PPIP5K1: variants seen among roughly 807,000 people sequenced by gnomAD.
PPIP5K1 encodes inositol hexakisphosphate and diphosphoinositol-pentakisphosphate kinase 1.
In PPIP5K1, 6 loss-of-function variants were observed where a neutral mutation model predicts 27.7. That is an observed-to-expected ratio of 0.22 (90% CI 0.12 to 0.43). The LOEUF is 0.43. PPIP5K1 is among the 20% of genes least tolerant of loss of function. The probability of loss-of-function intolerance (pLI) is 1.00; values close to 1 mark genes in which losing one functional copy is unlikely to be tolerated. For synonymous variants in PPIP5K1, 145 were observed against 242.6 expected (o/e 0.60, Z 3.74); for missense variants, 394 against 635.4 (o/e 0.62, Z 4.08).
intron 31 of PPIP5K1, among the ~76,000 whole-genome samples, chr15:43,539,072 G>A (rs1167508492): frequency 6.6e-6 from 1 of 151,982 alleles, no homozygotes; most frequent in Non-Finnish European, 1.5e-5. Context: ...TTAGCTGGGC[G>A]TGGTGGTGCA....
intron 31 of PPIP5K1, among the ~76,000 whole-genome samples, chr15:43,539,147 G>A (rs2080324727): frequency 6.6e-6 from 1 of 151,284 alleles, no homozygotes; most frequent in Non-Finnish European, 1.5e-5. Context: ...GGAGGCAGAC[G>A]TTGCAGTGAG....
Position 43,534,330 on chromosome 15 carries a change from A to G in PPIP5K1, c.*344T>C. 5.1e-6 allele frequency: 1 copy of G among 195,622 alleles called. No homozygotes were observed. Among genetic ancestry groups the G allele is most frequent in the Non-Finnish European group, 1.0e-5 (1 of 96,542 alleles). 12.1% of individuals were successfully genotyped at this position (195,622 alleles called of 1,614,324 possible). The stretch of plus-strand genomic sequence containing the variant: ...CCCAAGGAAATCCTATTCAAGTCTA[A>G]TGGCTAAGTGAGGAGCCAATGGCTT... On this transcript the variant is annotated 3_prime_UTR_variant, in exon 32 of 32. Transcript: ENST00000420765.
intron 30 of PPIP5K1, among the ~76,000 whole-genome samples, chr15:43,551,605 A>ATTTTTTTTTT (rs1567046997): frequency 9.6e-6 from 1 of 103,656 alleles, no homozygotes; most frequent in Non-Finnish European, 1.7e-5. Context: ...TTCTTGATTC[A>ATTTTTTTTTT]GTTTTTTTTT....
chr15:43,535,595 G>T, intron 31 of PPIP5K1, 119 bp from the exon 32 acceptor site: 1 of 821,676 alleles, frequency 1.2e-6, no homozygotes, highest in Non-Finnish European at 1.9e-6. Flanking sequence ...AGGGAAGAGT[G>T]TCCAAATTCT....
chr15:43,553,509 A>C (rs2082507017), intron 30 of PPIP5K1, among the ~76,000 whole-genome samples: 1 of 151,748 alleles, frequency 6.6e-6, no homozygotes, highest in Non-Finnish European at 1.5e-5. Flanking sequence ...TGCCCAATTA[A>C]ATTTTTAATT....
At chr15:43,540,719 G>A (rs954497689) in intron 30 of PPIP5K1, among the ~76,000 whole-genome samples, 12 of 151,710 alleles carry the variant, frequency 7.9e-5, no homozygotes, top group African/African-American at 2.9e-4. Flanking sequence ...AATTAGCTGG[G>A]TGTGGTGGTA....
intron 30 of PPIP5K1, among the ~76,000 whole-genome samples, chr15:43,547,014 A>C (rs2081452177): frequency 6.6e-6 from 1 of 152,188 alleles, no homozygotes; most frequent in African/African-American, 2.4e-5. Flanking sequence ...ACTATTTTAT[A>C]CTTCCATTAG....
Position 43,534,576 on chromosome 15 carries a change from G to A in PPIP5K1, c.*98C>T. ...GGGTGAGTGCTGGTCATGGGCTAGAGACTGGCTCTGAGGGTTTGGATCACC... is the reference window on the plus strand; with the variant it reads ...GGGTGAGTGCTGGTCATGGGCTAGAAACTGGCTCTGAGGGTTTGGATCACC... On this transcript the variant is annotated 3_prime_UTR_variant, in exon 32 of 32. Transcript: ENST00000420765. 6.4e-6 allele frequency: 7 copies of A among 1,098,700 alleles called. No individual in the cohort carries two copies. Among genetic ancestry groups the A allele is most frequent in the Non-Finnish European group, 9.1e-6 (7 of 772,352 alleles). The allele number at this position is 1,098,700 out of a possible 1,614,324, so 68.1% of individuals were successfully genotyped here.
At chr15:43,547,274 G>A (rs749628275) in intron 30 of PPIP5K1, among the ~76,000 whole-genome samples, 17 of 151,996 alleles carry the variant, frequency 1.1e-4, no homozygotes, top group Non-Finnish European at 2.2e-4. Flanking sequence ...TCATCTGTAC[G>A]TATTAGATAT....
intron 30 of PPIP5K1, among the ~76,000 whole-genome samples, chr15:43,542,939 T>G (rs1009141827): frequency 6.6e-6 from 1 of 152,086 alleles, no homozygotes; most frequent in East Asian, 1.9e-4. Flanking sequence ...TTCAGCCTCC[T>G]GAGTAGCTAC....
intron 30 of PPIP5K1, 69 bp from the exon 31 acceptor site, chr15:43,539,652 AC>A: frequency 1.0e-6 from 1 of 982,188 alleles, no homozygotes. Context: ...CAGGAGCCAC[AC>A]GTTCTCAACA....
chr15:43,553,871 T>C (rs1353049728), intron 30 of PPIP5K1, among the ~76,000 whole-genome samples: 3 of 151,866 alleles, frequency 2.0e-5, no homozygotes, highest in African/African-American at 7.3e-5. Context: ...GGTCTCAATC[T>C]CCTGACCTTG....
chr15:43,540,300 C>T lies in PPIP5K1; in HGVS notation c.3557-717G>A, dbSNP rs1401637010. On this transcript the variant is annotated intron_variant, in intron 30 of 31. Transcript: ENST00000420765. ...ATTTTTCCAGCTGGGTGTGGTGGCT[C>T]ATGCCTGTAAACCAGCACTTTGGGA... 2.6e-5 allele frequency among the ~76,000 whole-genome samples: 4 copies of T among 151,722 alleles called. 1 individual carries two copies.
chr15:43,551,983 T>C lies in PPIP5K1; in HGVS notation c.3556+6812A>G, dbSNP rs972575929. Among the ~76,000 whole-genome samples, 3 of 151,772 alleles carry C rather than the reference T, an allele frequency of 2.0e-5. 1 individual carries two copies. Among genetic ancestry groups the C allele is most frequent in the Non-Finnish European group, 4.4e-5 (3 of 67,954 alleles). ...ATTAGATTATTGATTTCAGATTTTT[T>C]TTTTTTTTGAGACAGGCTGGAATGC... On this transcript the variant is annotated intron_variant, in intron 30 of 31. Transcript: ENST00000420765.
At chr15:43,565,440 A>G (rs139308392) in intron 26 of PPIP5K1, among the ~76,000 whole-genome samples, 1 of 91,438 alleles carries the variant, frequency 1.1e-5, no homozygotes, top group African/African-American at 5.1e-5. Context: ...GCTAGAGACT[A>G]TATTCTGAAC....
intron 1 of PPIP5K1, among the ~76,000 whole-genome samples, chr15:43,586,680 A>G (rs943626900): frequency 9.5e-6 from 1 of 105,012 alleles, no homozygotes; most frequent in Non-Finnish European, 2.0e-5. Flanking sequence ...CCTGGGTGAG[A>G]GCAAAACCCT....
chr15:43,543,719 T>C lies in PPIP5K1; in HGVS notation c.3557-4136A>G, dbSNP rs954793244. 2.6e-5 allele frequency among the ~76,000 whole-genome samples: 4 copies of C among 152,030 alleles called. No individual in the cohort carries two copies. In the East Asian group the frequency reaches 7.7e-4, roughly 29 times the overall value. On this transcript the variant is annotated intron_variant, in intron 30 of 31. Transcript: ENST00000420765. ...AAAGTCTTTTGAATTTATACTTTCATCTAATTTATCTTACTTTGAAAATCC... is the reference window on the plus strand; with the variant it reads ...AAAGTCTTTTGAATTTATACTTTCACCTAATTTATCTTACTTTGAAAATCC...
At chr15:43,536,965 A>G (rs2079945304) in intron 31 of PPIP5K1, among the ~76,000 whole-genome samples, 1 of 152,286 alleles carries the variant, frequency 6.6e-6, no homozygotes, top group South Asian at 2.1e-4. Flanking sequence ...AAACCTTGAA[A>G]AGTTGGTAAA....
At chr15:43,551,620 T>TTTTTTTTTTTTTTG (rs1567047110) in intron 30 of PPIP5K1, among the ~76,000 whole-genome samples, 1 of 124,692 alleles carries the variant, frequency 8.0e-6, no homozygotes, top group African/African-American at 4.2e-5. Context: ...TTTTTTTTTT[T>TTTTTTTTTTTTTTG]GAGACGGAGT....
Sources: gnomAD v4.1 joint callset for allele counts (sites outside exome capture counted in the v4.1 genomes callset) on GRCh38, gnomAD v4.1.1 for gene constraint, MANE v1.5 for transcripts, NCBI Gene and HGNC (gene_info 2026-07-23, HGNC 2026-07-21) for gene names.